Variants in EIF4E2 observed in about 807,000 individuals in gnomAD.
EIF4E2 encodes eukaryotic translation initiation factor 4E type 2.
Under a neutral mutation model 34.2 loss-of-function variants are expected in EIF4E2, and 13 were observed. The observed-to-expected ratio is 0.38, with a 90% confidence interval of 0.25 to 0.60. The LOEUF (loss-of-function observed/expected upper bound fraction) is 0.60. Ranked by LOEUF, EIF4E2 falls within the 20% of genes least tolerant of loss-of-function variation. EIF4E2 has a pLI of 0.62. For synonymous variants in EIF4E2, 100 were observed against 106.6 expected (o/e 0.94, Z 0.38); for missense variants, 222 against 315.1 (o/e 0.70, Z 2.24).
chr2:232,565,382 C>G (rs965696496), intron 4 of EIF4E2, among the ~76,000 whole-genome samples: 1 of 152,134 alleles, frequency 6.6e-6, no homozygotes, highest in African/African-American at 2.4e-5. Context: ...GCCTGTAATC[C>G]CAGCACTTTG....
intron 4 of EIF4E2, among the ~76,000 whole-genome samples, chr2:232,565,334 C>T (rs540011190): frequency 1.3e-5 from 2 of 152,338 alleles, no homozygotes; most frequent in South Asian, 4.1e-4. Flanking sequence ...CTCCCGTTGA[C>T]CTTAAGACCC....
At position 232,581,904 on chromosome 2, in the gene EIF4E2, G is replaced by A. The variant is rs572105632; in HGVS notation, c.*961G>A. The A allele has an allele frequency of 2.6e-5, 4 of 152,362 alleles. No homozygotes were observed. The highest frequency in any genetic ancestry group is 9.6e-5 in the African/African-American group (4 of 41,566). The allele number at this position is 152,362 out of a possible 1,614,324, so 9.4% of individuals were successfully genotyped here. A position where few individuals can be genotyped will look rare whatever the true frequency, so the allele number is the denominator to read the frequency against. ...CAAATTCTATCATCCTGAAACTGGGGCATCTGAGGAAAAGGTGACCTTGCT... is the reference window on the plus strand; with the variant it reads ...CAAATTCTATCATCCTGAAACTGGGACATCTGAGGAAAAGGTGACCTTGCT... On this transcript the variant is annotated 3_prime_UTR_variant, in exon 7 of 7. Transcript: ENST00000409098. The surrounding 1 kb of genome is among the most constrained non-coding windows in gnomAD (Gnocchi z 5.2).
intron 6 of EIF4E2, among the ~76,000 whole-genome samples, chr2:232,578,082 C>A (rs953870360): frequency 1.3e-5 from 2 of 152,182 alleles, no homozygotes; most frequent in Non-Finnish European, 2.9e-5. Context: ...GTTCTCAACC[C>A]ACTTTTTTAA....
chr2:232,553,409 C>G (rs1412940501), intron 1 of EIF4E2, among the ~76,000 whole-genome samples: 1 of 85,132 alleles, frequency 1.2e-5, no homozygotes, highest in African/African-American at 5.5e-5. Flanking sequence ...TAGACCCATT[C>G]ATTAAACGGA....
chr2:232,565,679 A>G (rs1405531877), intron 4 of EIF4E2, among the ~76,000 whole-genome samples: 1 of 152,130 alleles, frequency 6.6e-6, no homozygotes, highest in Non-Finnish European at 1.5e-5. Context: ...ACTGTTTCCA[A>G]CTATCTTGTT....
At chr2:232,553,635 C>T (rs1692421324) in intron 1 of EIF4E2, among the ~76,000 whole-genome samples, 1 of 152,192 alleles carries the variant, frequency 6.6e-6, no homozygotes, top group South Asian at 2.1e-4. Flanking sequence ...TGTATCTTGA[C>T]TCAAATCCAG....
At position 232,567,139 on chromosome 2, in the gene EIF4E2, G is replaced by A. The variant is rs1253747485; in HGVS notation, c.590G>A (p.Arg197Gln). ...ASDQATTARI[R>Q]DTLRRVLNLP... is the part of the protein sequence containing the mutation. ...GACCAAGCAACCACAGCCCGAATCC[G>A]GGACACACTTCGGCGAGTGCTTAAC... Residue 197 changes from arginine (R) to glutamine (Q), a missense_variant, in exon 6 of 7, where the codon CGG (arginine) becomes CAG (glutamine). Arg to Gln is a conservative substitution (Grantham distance 43). Coordinates refer to ENST00000258416, the MANE Select transcript of EIF4E2 (RefSeq NM_004846.4). 3 of 1,614,166 alleles carry A rather than the reference G, an allele frequency of 1.9e-6. No individual in the cohort carries two copies. Among genetic ancestry groups the A allele is most frequent in the African/African-American group, 1.3e-5 (1 of 75,040 alleles).
intron 6 of EIF4E2, chr2:232,568,418 C>T (rs1026559767): frequency 1.1e-5 from 11 of 985,336 alleles, no homozygotes; most frequent in Non-Finnish European, 1.3e-5. Context: ...GGTTGCTTGC[C>T]TTAGCAGTCC....
intron 1 of EIF4E2, chr2:232,551,168 A>C: frequency 2.0e-6 from 1 of 511,524 alleles, no homozygotes; most frequent in Non-Finnish European, 3.9e-6. Flanking sequence ...TCTCATCTGC[A>C]GAGTGGGGAC....
downstream of EIF4E2, chr2:232,573,765 G>A: frequency 3.5e-5 from 10 of 285,154 alleles, no homozygotes; most frequent in South Asian, 1.0e-4. Flanking sequence ...TCGGAAATAT[G>A]AAAACAGAGA....
rs1233705788 is a variant in EIF4E2, at chr2:232,551,123, C to G, written c.20+379C>G. 8 of 570,128 alleles carry G rather than the reference C, an allele frequency of 1.4e-5. No individual in the cohort carries two copies. The Admixed American group carries it at 1.5e-4, about 11-fold the overall frequency. The allele number at this position is 570,128 out of a possible 1,614,324, so 35.3% of individuals were successfully genotyped here. On this transcript the variant is annotated intron_variant, in intron 1 of 6. Transcript: ENST00000258416. ...AGCGCTGCCTCTGAATCCAGCTTTC[C>G]CCACACACTCCCTCTCCCCTCTGAG...
At chr2:232,568,887 C>T (rs924245828) in intron 6 of EIF4E2, 58 bp from the exon 7 acceptor site, 3 of 1,610,282 alleles carry the variant, frequency 1.9e-6, no homozygotes, top group Non-Finnish European at 2.5e-6. Context: ...ATGCTACTTT[C>T]CCTTGCGTCC....
At chr2:232,567,401 C>T in intron 6 of EIF4E2, 187 bp downstream of exon 6, 1 of 1,407,400 alleles carries the variant, frequency 7.1e-7, no homozygotes, top group Non-Finnish European at 9.2e-7. Context: ...GCCACCTATA[C>T]TACCAGGTGC....
downstream of EIF4E2, among the ~76,000 whole-genome samples, chr2:232,570,463 A>G (rs1229593996): frequency 6.6e-6 from 1 of 152,216 alleles, no homozygotes; most frequent in African/African-American, 2.4e-5. Flanking sequence ...TAACTGCTCC[A>G]GGGGATAGGC....
chr2:232,569,046 T>C lies in EIF4E2; in HGVS notation c.*29T>C, dbSNP rs1693028300. 1.2e-6 allele frequency: 2 copies of C among 1,612,554 alleles called. No homozygotes were observed. The highest frequency in any genetic ancestry group is 1.1e-5 in the South Asian group (1 of 90,640). On this transcript the variant is annotated 3_prime_UTR_variant, in exon 7 of 7. Transcript: ENST00000258416. ...TCTCCCTCTCTGGATGGCACCATCA[T>C]TGAAGCTGGCGTCATCGGAGTCTCT... is the stretch of plus-strand genomic sequence containing the variant.
chr2:232,552,708 G>A (rs980864359), intron 1 of EIF4E2, among the ~76,000 whole-genome samples: 8 of 151,572 alleles, frequency 5.3e-5, no homozygotes, highest in African/African-American at 1.5e-4. Context: ...CCTCTTCTAC[G>A]ATTGAAGAAC....
chr2:232,556,317 T>C, intron 1 of EIF4E2, 99 bp from the exon 2 acceptor site: 2 of 891,252 alleles, frequency 2.2e-6, no homozygotes, highest in Non-Finnish European at 3.6e-6. Flanking sequence ...TGAGTGACTT[T>C]GGGTTGGTTA....
At chr2:232,550,998 G>T in intron 1 of EIF4E2, 1 of 616,056 alleles carries the variant, frequency 1.6e-6, no homozygotes. Context: ...GTGCCGCCCG[G>T]TAGGGGGAGA....
At chr2:232,576,642 AT>A (rs1693229315) in intron 6 of EIF4E2, among the ~76,000 whole-genome samples, 1 of 152,184 alleles carries the variant, frequency 6.6e-6, no homozygotes, top group Non-Finnish European at 1.5e-5. Context: ...GGAAAAATGA[AT>A]TTACACAGCA....
Sources: allele counts gnomAD v4.1 joint callset (sites outside exome capture counted in the v4.1 genomes callset), GRCh38; gene constraint gnomAD v4.1.1; non-coding constraint Gnocchi (gnomAD v3.1); transcripts MANE v1.5; gene names NCBI Gene and HGNC (gene_info 2026-07-23, HGNC 2026-07-21).